Variants in PPP1R3A observed in about 807,000 individuals in gnomAD.
PPP1R3A encodes the protein protein phosphatase 1 regulatory subunit 3A.
In PPP1R3A, 29 loss-of-function variants were observed where a neutral mutation model predicts 41.7. That is an observed-to-expected ratio of 0.70 (90% CI 0.52 to 0.95). The LOEUF is 0.95. Ranked by LOEUF, PPP1R3A falls within the 40% of genes least tolerant of loss-of-function variation. The probability of loss-of-function intolerance (pLI) is 0.00; values close to 1 mark genes in which losing one functional copy is unlikely to be tolerated. For synonymous variants in PPP1R3A, 485 were observed against 453.4 expected (o/e 1.07, Z -0.89); for missense variants, 1,352 against 1,292.4 (o/e 1.05, Z -0.71).
intron 1 of PPP1R3A, among the ~76,000 whole-genome samples, chr7:113,883,794 AAT>A (rs1409841873): frequency 6.6e-6 from 1 of 151,974 alleles, no homozygotes; most frequent in African/African-American, 2.4e-5. Context: ...GTAGAAGAAA[AAT>A]AGTCAAAGAT....
In PPP1R3A at chr7:113,878,062, T is replaced by C. The variant is rs753264952; in HGVS notation, c.3030A>G (p.Pro1010=). 4.3e-6 allele frequency: 7 copies of C among 1,613,212 alleles called. No individual in the cohort carries two copies. The Admixed American group carries it at 1.0e-4, about 23-fold the overall frequency. ...CAAGAGGTTTGTTGATTAAAATCAT[T>C]GGCCCTAGAGATTTTTCCACACTAT... ...EEYSVEKSLG[P]MILINKPLEN... Residue 1010 remains proline (P), a synonymous_variant, in exon 4 of 4, where the codon CCA becomes CCG. Transcript: ENST00000284601.
At position 113,878,371 on chromosome 7, in the gene PPP1R3A, A is replaced by G. The variant is rs752480533; in HGVS notation, c.2721T>C (p.Asn907=). 1.9e-6 allele frequency: 3 copies of G among 1,612,336 alleles called. No individual in the cohort carries two copies. Among genetic ancestry groups the G allele is most frequent in the Non-Finnish European group, 2.5e-6 (3 of 1,179,562 alleles). ...IVHSAFNSDT[N]RAPQNSSPFS... is the part of the protein sequence containing the mutation. Reference sequence around the variant, plus strand: ...AAGGAGAGCTATTCTGAGGAGCTCTATTAGTGTCTGAGTTAAAAGCAGAAT... The same window carrying G: ...AAGGAGAGCTATTCTGAGGAGCTCTGTTAGTGTCTGAGTTAAAAGCAGAAT... The change falls in exon 4 of 4, where the codon AAT becomes AAC. Residue 907 remains asparagine (N), a synonymous_variant. Transcript: ENST00000284601.
In PPP1R3A at chr7:113,878,695, A is replaced by C. The variant is rs1325428401; in HGVS notation, c.2397T>G (p.Asn799Lys). The C allele has an allele frequency of 6.2e-7, 1 of 1,613,342 alleles. No individual in the cohort carries two copies. Among genetic ancestry groups the C allele is most frequent in the Admixed American group, 1.7e-5 (1 of 59,832 alleles). ...CTAAACGTGATTCCTTTTCAAAATC[A>C]TTGTCATAGATTACACCTACTGTAT... Reference protein sequence around the residue: ...QRDTVGVIYDNDFEKESRLGI... With the variant: ...QRDTVGVIYDKDFEKESRLGI... The change falls in exon 4 of 4, where the codon AAT becomes AAG. Residue 799 changes from asparagine to lysine, a missense_variant. Coordinates refer to ENST00000284601, the MANE Select transcript of PPP1R3A (RefSeq NM_002711.4).
At chr7:113,883,297 A>G (rs1796725368) in intron 1 of PPP1R3A, among the ~76,000 whole-genome samples, 1 of 151,996 alleles carries the variant, frequency 6.6e-6, no homozygotes, top group Non-Finnish European at 1.5e-5. Flanking sequence ...AGAAATCTGG[A>G]AAGTTGGCAA....
rs771083537 is a variant in PPP1R3A, at chr7:113,879,251, G to A, written c.1841C>T (p.Thr614Ile). Reference sequence around the variant, plus strand: ...AGTTCTTGATGAACAAACTTGACCAGTTATCCCTCCTAAAGCGCTGCCTTC... The same window carrying A: ...AGTTCTTGATGAACAAACTTGACCAATTATCCCTCCTAAAGCGCTGCCTTC... ...TSEGSALGGI[T>I]GQVCSSRTGN... is the part of the protein sequence containing the mutation. Residue 614 changes from threonine (T) to isoleucine (I), a missense_variant, in exon 4 of 4, where the codon ACT becomes ATT. Thr to Ile is a moderately conservative substitution (Grantham distance 89, BLOSUM62 -1). Coordinates refer to ENST00000284601, the MANE Select transcript of PPP1R3A (RefSeq NM_002711.4). 1 of 1,613,644 alleles carries A rather than the reference G, an allele frequency of 6.2e-7. No homozygotes were observed. Among genetic ancestry groups the A allele is most frequent in the Admixed American group, 1.7e-5 (1 of 59,926 alleles).
rs1411374547 is a variant in PPP1R3A, at chr7:113,878,267, G to T, written c.2825C>A (p.Ala942Asp). The T allele has an allele frequency of 1.9e-6, 3 of 1,613,018 alleles. No individual in the cohort carries two copies. Among genetic ancestry groups the T allele is most frequent in the Non-Finnish European group, 2.5e-6 (3 of 1,179,556 alleles). The part of the protein sequence containing the change: ...IAVENAVTTM[A>D]SQPISTKSEN... ...TGATTTCGTAGAAATAGGTTGGCTA[G>T]CCATGGTAGTAACTGCATTCTCTAC... Residue 942 changes from alanine (A) to aspartate (D), a missense_variant, in exon 4 of 4, where the codon GCT becomes GAT. Coordinates refer to ENST00000284601, the MANE Select transcript of PPP1R3A (RefSeq NM_002711.4).
chr7:113,894,055 G>T (rs1224409049), intron 1 of PPP1R3A, among the ~76,000 whole-genome samples: 1 of 151,958 alleles, frequency 6.6e-6, no homozygotes, highest in Non-Finnish European at 1.5e-5. Flanking sequence ...AGGGAGAAAA[G>T]ACATTTTAGA....
At chr7:113,912,005 C>T (rs1797260245) in intron 1 of PPP1R3A, among the ~76,000 whole-genome samples, 1 of 152,082 alleles carries the variant, frequency 6.6e-6, no homozygotes. Flanking sequence ...CTATTTTACA[C>T]TTGAATAAAA....
intron 1 of PPP1R3A, among the ~76,000 whole-genome samples, chr7:113,913,192 T>C (rs1462499356): frequency 6.6e-6 from 1 of 152,092 alleles, no homozygotes; most frequent in Admixed American, 6.6e-5. Context: ...ATGGCATACG[T>C]GAGGTCCCAA....
intron 1 of PPP1R3A, among the ~76,000 whole-genome samples, chr7:113,900,606 A>G (rs1051292854): frequency 6.7e-6 from 1 of 149,216 alleles, no homozygotes; most frequent in African/African-American, 2.4e-5. Flanking sequence ...TATCATACAT[A>G]TATAGTATGT....
intron 1 of PPP1R3A, among the ~76,000 whole-genome samples, chr7:113,885,805 G>A (rs1367365731): frequency 1.4e-5 from 2 of 148,046 alleles, no homozygotes; most frequent in Admixed American, 6.8e-5. Context: ...ACCTATATAT[G>A]TAAACGACCC....
chr7:113,908,139 C>T lies in PPP1R3A; in HGVS notation c.782+10076G>A, dbSNP rs544846188. 7.9e-5 allele frequency among the ~76,000 whole-genome samples: 12 copies of T among 151,918 alleles called. No individual in the cohort carries two copies. In the South Asian group the frequency reaches 1.9e-3, roughly 24 times the overall value. On this transcript the variant is annotated intron_variant, in intron 1 of 3. Transcript: ENST00000284601. Reference sequence around the variant, plus strand: ...GTTTTATGAGATTTGCAAGCAAATGCCTTGAATGTTCACATAATTGCCAAT... The same window carrying T: ...GTTTTATGAGATTTGCAAGCAAATGTCTTGAATGTTCACATAATTGCCAAT...
At chr7:113,916,621 T>A (rs1026306900) in intron 1 of PPP1R3A, among the ~76,000 whole-genome samples, 19 of 152,232 alleles carry the variant, frequency 1.2e-4, no homozygotes, top group Non-Finnish European at 2.9e-5. Context: ...TAGACAATAA[T>A]GCTGCGCCTT....
chr7:113,895,959 T>C (rs1283289383), intron 1 of PPP1R3A, among the ~76,000 whole-genome samples: 1 of 151,904 alleles, frequency 6.6e-6, no homozygotes, highest in Non-Finnish European at 1.5e-5. Context: ...AGGATATATT[T>C]ATAAAGCAAA....
intron 1 of PPP1R3A, among the ~76,000 whole-genome samples, chr7:113,906,674 C>A (rs1484036213): frequency 6.6e-6 from 1 of 151,700 alleles, no homozygotes; most frequent in African/African-American, 2.4e-5. Flanking sequence ...TTTAACTATT[C>A]AGAAGTCTTT....
At chr7:113,914,184 T>G in intron 1 of PPP1R3A, among the ~76,000 whole-genome samples, 1 of 152,130 alleles carries the variant, frequency 6.6e-6, no homozygotes, top group South Asian at 2.1e-4. Flanking sequence ...CATGCTATAT[T>G]AAAAGCTTTA....
At chr7:113,898,073 C>T (rs1160614406) in intron 1 of PPP1R3A, among the ~76,000 whole-genome samples, 1 of 151,810 alleles carries the variant, frequency 6.6e-6, no homozygotes, top group East Asian at 1.9e-4. Context: ...CTCAATCCGT[C>T]TATTGGATAT....
intron 1 of PPP1R3A, among the ~76,000 whole-genome samples, chr7:113,887,480 T>C (rs571363248): frequency 6.6e-6 from 1 of 152,150 alleles, no homozygotes; most frequent in African/African-American, 2.4e-5. Flanking sequence ...AAGATGGAAA[T>C]AGACATATCA....
intron 1 of PPP1R3A, among the ~76,000 whole-genome samples, chr7:113,902,107 A>G (rs1192346491): frequency 1.3e-5 from 2 of 151,710 alleles, no homozygotes. Flanking sequence ...CTGAGAACTC[A>G]GTCCTGTTCC....
Sources: allele counts gnomAD v4.1 joint callset (sites outside exome capture counted in the v4.1 genomes callset), GRCh38; gene constraint gnomAD v4.1.1; transcripts MANE v1.5; gene names NCBI Gene and HGNC (gene_info 2026-07-23, HGNC 2026-07-21).